TACR1: variants seen among roughly 807,000 people sequenced by gnomAD.
TACR1 encodes the protein tachykinin receptor 1.
TACR1 carries 25 observed loss-of-function variants against 35.8 expected under a neutral mutation model. The ratio of observed to expected loss-of-function variants is 0.70; its 90% CI spans 0.51 to 0.98. The LOEUF is 0.98. Ranked by LOEUF, TACR1 falls within the 50% of genes least tolerant of loss-of-function variation. TACR1 has a pLI of 0.00. For synonymous variants in TACR1, 195 were observed against 206.7 expected, an observed-to-expected ratio of 0.94 and a Z score of 0.48; for missense variants, 478 against 522.9, an observed-to-expected ratio of 0.91 and a Z score of 0.84.
intron 2 of TACR1, among the ~76,000 whole-genome samples, chr2:75,092,695 G>A (rs1368929215): frequency 1.3e-5 from 2 of 152,052 alleles, no homozygotes; most frequent in Admixed American, 6.6e-5. Context: ...AGTGTAGACT[G>A]GAGACTCAGA....
At chr2:75,184,923 C>A (rs981215050) in intron 1 of TACR1, among the ~76,000 whole-genome samples, 9 of 151,852 alleles carry the variant, frequency 5.9e-5, no homozygotes, top group African/African-American at 2.2e-4. Context: ...ATAATTCTTT[C>A]CAAAGCTAAT....
At chr2:75,058,354 G>A (rs1448973376) in intron 2 of TACR1, among the ~76,000 whole-genome samples, 1 of 152,192 alleles carries the variant, frequency 6.6e-6, no homozygotes, top group Admixed American at 6.5e-5. Context: ...GCTGGTCAAT[G>A]AGCCAGCACA....
At chr2:75,172,254 C>G (rs920743128) in intron 1 of TACR1, among the ~76,000 whole-genome samples, 1 of 152,122 alleles carries the variant, frequency 6.6e-6, no homozygotes, top group South Asian at 2.1e-4. Flanking sequence ...CTGGCAGAAT[C>G]CTTTCTAGCA....
chr2:75,086,688 C>T (rs763841776), intron 2 of TACR1, among the ~76,000 whole-genome samples: 9 of 152,022 alleles, frequency 5.9e-5, no homozygotes, highest in African/African-American at 2.2e-4. Flanking sequence ...ATGAGAGACA[C>T]TTCAAAGGAA....
intron 2 of TACR1, among the ~76,000 whole-genome samples, chr2:75,098,102 A>T (rs77289385): frequency 7.6e-4 from 115 of 152,312 alleles, no homozygotes; most frequent in African/African-American, 2.7e-3. Context: ...AAATCTGAAG[A>T]TCGTAGAAAT....
intron 2 of TACR1, among the ~76,000 whole-genome samples, chr2:75,062,947 A>G (rs1033064561): frequency 6.6e-6 from 1 of 152,248 alleles, no homozygotes; most frequent in Admixed American, 6.5e-5. Flanking sequence ...AATTTCCAAA[A>G]TAAAGAGTTT....
intron 2 of TACR1, among the ~76,000 whole-genome samples, chr2:75,055,336 G>T (rs1240641811): frequency 6.6e-6 from 1 of 152,228 alleles, no homozygotes; most frequent in East Asian, 1.9e-4. Flanking sequence ...CAAGCAGGGT[G>T]TGAGTGCATG....
At chr2:75,102,303 C>T (rs1673547581) in intron 2 of TACR1, among the ~76,000 whole-genome samples, 1 of 152,222 alleles carries the variant, frequency 6.6e-6, no homozygotes, top group Non-Finnish European at 1.5e-5. Flanking sequence ...CAAACCAGAG[C>T]AGCCAGCAAT....
intron 1 of TACR1, among the ~76,000 whole-genome samples, chr2:75,157,158 A>T (rs904822863): frequency 2.0e-5 from 3 of 151,768 alleles, no homozygotes; most frequent in Non-Finnish European, 4.4e-5. Context: ...GGGTTGGGGG[A>T]TTGATAAGGA....
chr2:75,149,177 T>C (rs1241054866), intron 1 of TACR1, among the ~76,000 whole-genome samples: 1 of 152,184 alleles, frequency 6.6e-6, no homozygotes, highest in East Asian at 1.9e-4. Context: ...CCTTGTAGTA[T>C]AGTTTGAAGT....
chr2:75,139,185 A>G (rs1453194862), intron 1 of TACR1, among the ~76,000 whole-genome samples: 1 of 152,236 alleles, frequency 6.6e-6, no homozygotes, highest in African/African-American at 2.4e-5. Flanking sequence ...CTGTCCAGGT[A>G]TCATGTAGAC....
Position 75,198,589 on chromosome 2 carries a change from C to T in TACR1, c.346G>A (p.Val116Ile). ...GTCATGGAGTAGATACTGGCGAAGA[C>T]AGCGGCGATGGGAAAGAAGTTGTGG... is the stretch of plus-strand genomic sequence containing the variant. ...KFHNFFPIAA[V>I]FASIYSMTAV... The change falls in exon 1 of 5, where the codon GTC (valine) becomes ATC (isoleucine). Residue 116 changes from valine to isoleucine, a missense_variant. Transcript: ENST00000305249. The T allele has an allele frequency of 6.2e-7, 1 of 1,614,190 alleles. No individual in the cohort carries two copies. Among genetic ancestry groups the T allele is most frequent in the Non-Finnish European group, 8.5e-7 (1 of 1,180,032 alleles).
chr2:75,156,684 C>T (rs1344517789), intron 1 of TACR1, among the ~76,000 whole-genome samples: 1 of 151,402 alleles, frequency 6.6e-6, no homozygotes, highest in African/African-American at 2.4e-5. Flanking sequence ...CGATTTTGGA[C>T]TTCTGGTCTA....
At chr2:75,198,509 G>A (rs369094498) in intron 1 of TACR1, 37 bp downstream of exon 1, 18 of 1,600,260 alleles carry the variant, frequency 1.1e-5, no homozygotes, top group Middle Eastern at 1.8e-4. Flanking sequence ...GGTCCTCTAT[G>A]AGCACTTTCT....
At chr2:75,049,792 T>C in intron 4 of TACR1, 69 bp from the exon 5 acceptor site, 1 of 1,505,530 alleles carries the variant, frequency 6.6e-7, no homozygotes, top group Non-Finnish European at 9.0e-7. Flanking sequence ...CACCACTGCA[T>C]CAGCTTGTTA....
chr2:75,098,318 A>T (rs996654331), intron 2 of TACR1, among the ~76,000 whole-genome samples: 1 of 152,144 alleles, frequency 6.6e-6, no homozygotes, highest in East Asian at 1.9e-4. Flanking sequence ...GCATTTTCTC[A>T]TGTTATCACA....
intron 2 of TACR1, among the ~76,000 whole-genome samples, chr2:75,061,414 T>G (rs1672670713): frequency 6.6e-6 from 1 of 151,038 alleles, no homozygotes; most frequent in South Asian, 2.1e-4. Context: ...GATTCCATTC[T>G]TAATATACTT....
At chr2:75,099,370 C>T (rs1252184067) in intron 2 of TACR1, among the ~76,000 whole-genome samples, 4 of 152,202 alleles carry the variant, frequency 2.6e-5, no homozygotes, top group Non-Finnish European at 5.9e-5. Context: ...AAGTCACTTG[C>T]CTGAGTACCT....
intron 2 of TACR1, among the ~76,000 whole-genome samples, chr2:75,083,137 T>C (rs1052483360): frequency 5.9e-5 from 9 of 152,264 alleles, no homozygotes; most frequent in African/African-American, 2.2e-4. Flanking sequence ...TTCAGTTTTC[T>C]ACATATGGCT....
Sources: allele counts gnomAD v4.1 joint callset (sites outside exome capture counted in the v4.1 genomes callset), GRCh38; gene constraint gnomAD v4.1.1; transcripts MANE v1.5; gene names NCBI Gene and HGNC (gene_info 2026-07-23, HGNC 2026-07-21).